CDH12: variants seen among roughly 807,000 people sequenced by gnomAD.
CDH12 encodes the protein cadherin-12.
Under a neutral mutation model 74.1 loss-of-function variants are expected in CDH12, and 41 were observed. The ratio of observed to expected loss-of-function variants is 0.55; its 90% CI spans 0.43 to 0.72. The LOEUF (loss-of-function observed/expected upper bound fraction) is 0.72, where lower values mean the gene tolerates loss of function less well. CDH12 is among the 30% of genes least tolerant of loss of function. The pLI is 0.00. For synonymous variants in CDH12, 399 were observed against 355.0 expected, an observed-to-expected ratio of 1.12 and a Z score of -1.39; for missense variants, 945 against 977.2, an observed-to-expected ratio of 0.97 and a Z score of 0.44.
intron 1 of CDH12, among the ~76,000 whole-genome samples, chr5:22,589,771 T>G (rs114197839): frequency 0.012 from 1,830 of 152,294 alleles, 34 homozygotes; most frequent in African/African-American, 0.042. Context: ...AGTTCTTTTT[T>G]CCTTTCCATA....
At position 21,963,420 on chromosome 5, in the gene CDH12, G is replaced by A. The variant is rs568057128; in HGVS notation, c.526+11671C>T. Among the ~76,000 whole-genome samples, 55 of 152,122 alleles carry A rather than the reference G, an allele frequency of 3.6e-4. 1 individual carries two copies. The highest frequency in any genetic ancestry group is 1.2e-3 in the African/African-American group (51 of 41,516). ...AGCTTTAATCTCTTCCTCTAAACTCGTTATTTTTAGAGTCTGCCTCCTTGT... is the reference window on the plus strand; with the variant it reads ...AGCTTTAATCTCTTCCTCTAAACTCATTATTTTTAGAGTCTGCCTCCTTGT... On this transcript the variant is annotated intron_variant, in intron 6 of 14. Transcript: ENST00000382254.
At chr5:22,049,420 C>T (rs1388106981) in intron 5 of CDH12, among the ~76,000 whole-genome samples, 1 of 152,026 alleles carries the variant, frequency 6.6e-6, no homozygotes, top group Non-Finnish European at 1.5e-5. Context: ...AGTCCTCTTC[C>T]TTTTTCCTTG....
At chr5:22,084,249 A>T (rs1010012117) in intron 4 of CDH12, among the ~76,000 whole-genome samples, 2 of 152,252 alleles carry the variant, frequency 1.3e-5, no homozygotes, top group Middle Eastern at 6.8e-3. Flanking sequence ...AGTGATCTTG[A>T]ACTGTGGATG....
intron 1 of CDH12, among the ~76,000 whole-genome samples, chr5:22,785,693 C>A (rs1401065380): frequency 6.6e-6 from 1 of 151,844 alleles, no homozygotes; most frequent in Non-Finnish European, 1.5e-5. Context: ...AATTTTTGCA[C>A]CTTTTGTAGA....
intron 1 of CDH12, among the ~76,000 whole-genome samples, chr5:22,565,825 G>C (rs1329078417): frequency 6.6e-6 from 1 of 151,960 alleles, no homozygotes; most frequent in Non-Finnish European, 1.5e-5. Context: ...TAACATTTTT[G>C]TTATTTTATA....
At chr5:22,368,466 A>ATTTT (rs11445293) in intron 3 of CDH12, among the ~76,000 whole-genome samples, 1 of 135,318 alleles carries the variant, frequency 7.4e-6, no homozygotes. Context: ...AGTCTGGCTA[A>ATTTT]TTTTTTTTTT....
chr5:22,141,835 T>G (rs1233855659), intron 4 of CDH12, among the ~76,000 whole-genome samples: 3 of 152,206 alleles, frequency 2.0e-5, no homozygotes, highest in African/African-American at 7.2e-5. Flanking sequence ...TGCTAGGTAC[T>G]AATCATTAAG....
intron 3 of CDH12, among the ~76,000 whole-genome samples, chr5:22,250,748 T>C (rs1164153292): frequency 6.6e-6 from 1 of 152,192 alleles, no homozygotes; most frequent in Non-Finnish European, 1.5e-5. Flanking sequence ...TGATCAGACA[T>C]GTGTCTTAGA....
chr5:22,533,882 A>G (rs4144681), intron 1 of CDH12, among the ~76,000 whole-genome samples: 24,560 of 152,142 alleles, frequency 0.16, 2,553 homozygotes, highest in East Asian at 0.36. Flanking sequence ...ACACAGACAT[A>G]ATATTTACAT....
chr5:22,116,062 A>G (rs1371756932), intron 4 of CDH12, among the ~76,000 whole-genome samples: 1 of 152,190 alleles, frequency 6.6e-6, no homozygotes, highest in East Asian at 1.9e-4. Context: ...GTGATTTTGC[A>G]GATGTAATTA....
chr5:22,335,709 T>C (rs1739553142), intron 3 of CDH12, among the ~76,000 whole-genome samples: 1 of 152,268 alleles, frequency 6.6e-6, no homozygotes, highest in Middle Eastern at 3.4e-3. Context: ...TTGTGAGGCC[T>C]CCCCAGCCAC....
intron 3 of CDH12, among the ~76,000 whole-genome samples, chr5:22,287,121 G>A (rs570830859): frequency 1.2e-4 from 19 of 152,252 alleles, no homozygotes; most frequent in African/African-American, 2.4e-4. Flanking sequence ...CTGGTTGACC[G>A]TAAGAGAATA....
chr5:22,073,042 A>C (rs562949958), intron 5 of CDH12, among the ~76,000 whole-genome samples: 2 of 151,274 alleles, frequency 1.3e-5, no homozygotes, highest in East Asian at 3.9e-4. Flanking sequence ...ATATGTAAGT[A>C]TATGTCTGTA....
chr5:22,813,490 C>T (rs1240015325), intron 1 of CDH12, among the ~76,000 whole-genome samples: 1 of 152,092 alleles, frequency 6.6e-6, no homozygotes, highest in African/African-American at 2.4e-5. Context: ...GATCTCACAT[C>T]CTGGTTTCCA....
chr5:21,846,884 A>T (rs1010544955), intron 7 of CDH12, among the ~76,000 whole-genome samples: 16 of 152,242 alleles, frequency 1.1e-4, no homozygotes, highest in South Asian at 2.1e-4. Context: ...TGACAAAAAA[A>T]TTTTTTGCTC....
intron 4 of CDH12, among the ~76,000 whole-genome samples, chr5:22,133,329 G>A (rs960655949): frequency 3.3e-5 from 5 of 151,998 alleles, no homozygotes; most frequent in Non-Finnish European, 5.9e-5. Context: ...TCAGATAGTC[G>A]AGAATGATCA....
intron 3 of CDH12, among the ~76,000 whole-genome samples, chr5:22,324,199 T>C (rs890463415): frequency 2.0e-5 from 3 of 152,090 alleles, no homozygotes; most frequent in Admixed American, 2.0e-4. Context: ...AAAGATTCAA[T>C]GGGGCAATTT....
intron 1 of CDH12, among the ~76,000 whole-genome samples, chr5:22,610,538 T>C (rs1737344755): frequency 6.6e-6 from 1 of 152,186 alleles, no homozygotes; most frequent in Admixed American, 6.5e-5. Context: ...TCTTATACTT[T>C]GTAGAATCTC....
intron 1 of CDH12, among the ~76,000 whole-genome samples, chr5:22,571,422 G>A (rs1739533992): frequency 6.6e-6 from 1 of 152,102 alleles, no homozygotes; most frequent in African/African-American, 2.4e-5. Context: ...CGCCTCCTGA[G>A]TTAAAGTGAT....
Sources: allele counts gnomAD v4.1 joint callset (sites outside exome capture counted in the v4.1 genomes callset), GRCh38; gene constraint gnomAD v4.1.1; transcripts MANE v1.5; gene names NCBI Gene and HGNC (gene_info 2026-07-23, HGNC 2026-07-21).